The following PRKN variants were observed in gnomAD, a reference collection of about 807,000 sequenced individuals.
PRKN encodes parkin RBR E3 ubiquitin protein ligase.
PRKN carries 56 observed loss-of-function variants against 59.5 expected under a neutral mutation model. That is an observed-to-expected ratio of 0.94 (90% confidence interval 0.76 to 1.18). The LOEUF is 1.18. PRKN is among the 50% of genes most tolerant of loss of function. PRKN has a pLI of 0.00. For missense variants in PRKN, 657 were observed against 596.4 expected, an observed-to-expected ratio of 1.10 and a Z score of -1.06; for synonymous variants, 250 against 222.1, an observed-to-expected ratio of 1.13 and a Z score of -1.12.
At chr6:162,287,026 G>A (rs76942277) in intron 2 of PRKN, among the ~76,000 whole-genome samples, 9,670 of 152,246 alleles carry the variant, frequency 0.064, 422 homozygotes, top group Middle Eastern at 0.16. Context: ...AGCAGTTAAA[G>A]GGTAGAATTT....
chr6:162,706,384 C>G (rs1005572427), intron 1 of PRKN, among the ~76,000 whole-genome samples: 2 of 152,164 alleles, frequency 1.3e-5, no homozygotes, highest in African/African-American at 4.8e-5. Flanking sequence ...TATTTACTTT[C>G]AACAAGATAA....
intron 2 of PRKN, among the ~76,000 whole-genome samples, chr6:162,294,603 A>G (rs1256488181): frequency 1.3e-5 from 2 of 152,152 alleles, no homozygotes; most frequent in Non-Finnish European, 2.9e-5. Flanking sequence ...CCTGCACACG[A>G]TTTAATTGGG....
At chr6:162,178,200 T>C (rs978556130) in intron 4 of PRKN, among the ~76,000 whole-genome samples, 2 of 152,224 alleles carry the variant, frequency 1.3e-5, no homozygotes, top group African/African-American at 4.8e-5. Context: ...AGCTGAATTA[T>C]TTTTGTGGGT....
At chr6:161,767,966 T>C (rs1789502029) in intron 7 of PRKN, among the ~76,000 whole-genome samples, 1 of 152,222 alleles carries the variant, frequency 6.6e-6, no homozygotes, top group African/African-American at 2.4e-5. Context: ...ATGTGCTTTC[T>C]GTTAAGATGT....
At chr6:161,754,706 A>G (rs1305439632) in intron 7 of PRKN, among the ~76,000 whole-genome samples, 1 of 152,170 alleles carries the variant, frequency 6.6e-6, no homozygotes, top group Non-Finnish European at 1.5e-5. Flanking sequence ...CCGTGCAAAG[A>G]TGACAAATAT....
intron 4 of PRKN, among the ~76,000 whole-genome samples, chr6:162,132,685 G>C (rs1781412557): frequency 6.6e-6 from 1 of 152,060 alleles, no homozygotes; most frequent in African/African-American, 2.4e-5. Flanking sequence ...GCAGGGTCTG[G>C]TGTCAGGGGT....
chr6:162,232,984 A>G (rs888925600), intron 3 of PRKN, among the ~76,000 whole-genome samples: 4 of 152,220 alleles, frequency 2.6e-5, no homozygotes, highest in Non-Finnish European at 4.4e-5. Flanking sequence ...ACACACCAGC[A>G]TAAAAGTGTG....
intron 7 of PRKN, among the ~76,000 whole-genome samples, chr6:161,607,858 C>T (rs571399605): frequency 1.5e-4 from 23 of 152,276 alleles, no homozygotes; most frequent in Non-Finnish European, 2.1e-4. Flanking sequence ...CAAGGACAGC[C>T]GTCACAGTGA....
At position 161,480,352 on chromosome 6, in the gene PRKN, G is replaced by A. The variant is rs34202797; in HGVS notation, c.1083+68502C>T. 0.013 allele frequency among the ~76,000 whole-genome samples: 1,935 copies of A among 152,204 alleles called. 34 individuals are homozygous for A. Among genetic ancestry groups the A allele is most frequent in the African/African-American group, 0.044 (1,837 of 41,494 alleles). ...GGGCCCTGTGAGTATGGGGCCCTGTGTGACTGTACAGGTCGCACACTCCAA... is the reference window on the plus strand; with the variant it reads ...GGGCCCTGTGAGTATGGGGCCCTGTATGACTGTACAGGTCGCACACTCCAA... On this transcript the variant is annotated intron_variant, in intron 9 of 11. Coordinates refer to ENST00000366898, the MANE Select transcript of PRKN (RefSeq NM_004562.3). This position sits in a 1 kb window ranked among gnomAD's most constrained non-coding sequence, Gnocchi z 4.1.
rs940062033 is a variant in PRKN, at chr6:161,442,598, G to T, written c.1084-55721C>A. ...AAGGGCAGCACTGCTTGTATCTAAG[G>T]TGGCGACCTGGACCAAGGGTGGCCT... On this transcript the variant is annotated intron_variant, in intron 9 of 11. Coordinates refer to ENST00000366898, the MANE Select transcript of PRKN (RefSeq NM_004562.3). This position sits in a 1 kb window ranked among gnomAD's most constrained non-coding sequence, Gnocchi z 4.6. Among the ~76,000 whole-genome samples, 4 of 152,184 alleles carry T rather than the reference G, an allele frequency of 2.6e-5. No individual in the cohort carries two copies. Among genetic ancestry groups the T allele is most frequent in the Non-Finnish European group, 5.9e-5 (4 of 68,032 alleles).
chr6:161,492,568 G>C (rs1274803918), intron 9 of PRKN, among the ~76,000 whole-genome samples: 1 of 152,136 alleles, frequency 6.6e-6, no homozygotes, highest in Non-Finnish European at 1.5e-5. Flanking sequence ...TTTGTACTTT[G>C]TTCTAGACAC....
At chr6:161,365,734 A>G (rs1230732916) in intron 10 of PRKN, among the ~76,000 whole-genome samples, 1 of 151,924 alleles carries the variant, frequency 6.6e-6, no homozygotes, top group East Asian at 2.0e-4. Flanking sequence ...GATTTCCCCA[A>G]ACGGCTCTGG....
chr6:162,551,872 G>A (rs527888245), intron 1 of PRKN, among the ~76,000 whole-genome samples: 6 of 152,294 alleles, frequency 3.9e-5, no homozygotes, highest in Admixed American at 2.0e-4. Context: ...AGCAGTCAGT[G>A]TGTGATGATG....
intron 1 of PRKN, among the ~76,000 whole-genome samples, chr6:162,675,651 A>C (rs904222720): frequency 1.3e-5 from 2 of 152,166 alleles, no homozygotes; most frequent in Non-Finnish European, 2.9e-5. Context: ...CACTTTAATA[A>C]ATGTAGAGAG....
intron 5 of PRKN, among the ~76,000 whole-genome samples, chr6:162,019,232 C>T (rs778789005): frequency 2.6e-5 from 4 of 152,158 alleles, no homozygotes; most frequent in Non-Finnish European, 5.9e-5. Context: ...CCAAGTCTCT[C>T]CCTAAATATC....
At chr6:161,426,902 G>A (rs1788391720) in intron 9 of PRKN, among the ~76,000 whole-genome samples, 1 of 149,018 alleles carries the variant, frequency 6.7e-6, no homozygotes, top group Non-Finnish European at 1.5e-5. Flanking sequence ...CGTATTTTTA[G>A]TAGAGATGGG....
chr6:162,575,433 C>G (rs372912748), intron 1 of PRKN, among the ~76,000 whole-genome samples: 1 of 152,186 alleles, frequency 6.6e-6, no homozygotes, highest in Non-Finnish European at 1.5e-5. Context: ...GGCTGTCCTC[C>G]TCTCCCTCCA....
chr6:162,498,993 T>C (rs575880366), intron 1 of PRKN, among the ~76,000 whole-genome samples: 1 of 152,266 alleles, frequency 6.6e-6, no homozygotes, highest in Non-Finnish European at 1.5e-5. Flanking sequence ...TTCAGCAACA[T>C]GTTTGTGTTG....
At chr6:161,453,737 C>CCCTT (rs766279491) in intron 9 of PRKN, among the ~76,000 whole-genome samples, 6,821 of 133,518 alleles carry the variant, frequency 0.051, 284 homozygotes, top group African/African-American at 0.097. Context: ...CTCCCTCCCT[C>CCCTT]CCTTCCTTCC....
Sources: gnomAD v4.1 joint callset for allele counts (sites outside exome capture counted in the v4.1 genomes callset) on GRCh38, gnomAD v4.1.1 for gene constraint, Gnocchi (gnomAD v3.1) non-coding constraint, MANE v1.5 for transcripts, NCBI Gene and HGNC (gene_info 2026-07-23, HGNC 2026-07-21) for gene names.